The following XIRP2 variants were observed in gnomAD, a reference collection of about 807,000 sequenced individuals.
The protein encoded by XIRP2 is xin actin binding repeat containing 2.
In XIRP2, 236 loss-of-function variants were observed where a neutral mutation model predicts 277.0. The ratio of observed to expected loss-of-function variants is 0.85; its 90% CI spans 0.77 to 0.95. The LOEUF (loss-of-function observed/expected upper bound fraction) is 0.95, where lower values mean the gene tolerates loss of function less well. XIRP2 is among the 40% of genes least tolerant of loss of function. The pLI is 0.00. For synonymous variants in XIRP2, 1,490 were observed against 1,416.5 expected, an observed-to-expected ratio of 1.05 and a Z score of -1.17; for missense variants, 4,640 against 4,157.5, an observed-to-expected ratio of 1.12 and a Z score of -3.19.
At position 167,179,423 on chromosome 2, in the gene XIRP2, C is replaced by T. The variant is rs554553511; in HGVS notation, c.563-31312C>T. On this transcript the variant is annotated intron_variant, in intron 3 of 10. Transcript: ENST00000409195. ...GCAACCTCCACCTCCCGGGTTCAAG[C>T]GATTCTTCTGCCTCAGCCTCCTGAG... 4.3e-4 allele frequency among the ~76,000 whole-genome samples: 65 copies of T among 150,294 alleles called. No homozygotes were observed. In the South Asian group the frequency reaches 0.012, roughly 28 times the overall value.
rs745399661 is a variant in XIRP2, at chr2:167,248,111, A to C, written c.6719A>C (p.Lys2240Thr). 1 of 1,613,314 alleles carries C rather than the reference A, an allele frequency of 6.2e-7. No individual in the cohort carries two copies. Among genetic ancestry groups the C allele is most frequent in the Admixed American group, 1.7e-5 (1 of 59,884 alleles). Residue 2240 changes from lysine (K) to threonine (T), a missense_variant, in exon 9 of 11, where the codon AAA (lysine) becomes ACA (threonine). Coordinates refer to ENST00000409195, the MANE Select transcript of XIRP2 (RefSeq NM_152381.6). ...KSHNTFKATN[K>T]KRETDVHLKS... ...CACAATACATTTAAGGCAACCAACA[A>C]AAAGCGGGAGACTGATGTTCACTTG...
intron 2 of XIRP2, among the ~76,000 whole-genome samples, chr2:167,079,064 A>T (rs542530412): frequency 6.6e-6 from 1 of 152,136 alleles, no homozygotes; most frequent in Non-Finnish European, 1.5e-5. Context: ...GGTTTTTATC[A>T]TGAAAGGATG....
intron 5 of XIRP2, among the ~76,000 whole-genome samples, chr2:167,231,210 T>C (rs917416793): frequency 2.0e-5 from 3 of 152,004 alleles, no homozygotes; most frequent in African/African-American, 7.2e-5. Flanking sequence ...GGATTTAAAA[T>C]GTCATCTCTC....
intron 2 of XIRP2, among the ~76,000 whole-genome samples, chr2:166,918,242 A>G (rs1413349774): frequency 6.6e-6 from 1 of 152,066 alleles, no homozygotes. Flanking sequence ...TTCTTGCAGG[A>G]TGAGCTTTGG....
rs529335383 is a variant in XIRP2, at chr2:167,250,010, A to G, written c.8618A>G (p.Gln2873Arg). ...DSQTQNFQQT[Q>R]IQTAESKAEH... ...CAGACTCAGAATTTTCAGCAAACAC[A>G]AATACAGACCGCTGAAAGTAAAGCT... The change falls in exon 9 of 11, where the codon CAA becomes CGA. Residue 2873 changes from glutamine (Q) to arginine (R), a missense_variant. Transcript: ENST00000409195. 2.2e-5 allele frequency: 36 copies of G among 1,613,678 alleles called. No individual in the cohort carries two copies. Among genetic ancestry groups the G allele is most frequent in the Admixed American group, 1.3e-4 (8 of 59,980 alleles).
At chr2:167,063,754 T>C (rs1658711455) in intron 2 of XIRP2, among the ~76,000 whole-genome samples, 1 of 151,760 alleles carries the variant, frequency 6.6e-6, no homozygotes, top group African/African-American at 2.4e-5. Flanking sequence ...AATTTCTTTT[T>C]ATTTGTATTT....
At position 167,250,752 on chromosome 2, in the gene XIRP2, A is replaced by G. The variant is rs199552960; in HGVS notation, c.9360A>G (p.Ser3120=). The G allele has an allele frequency of 1.5e-4, 236 of 1,613,606 alleles. 2 individuals carry two copies. Among genetic ancestry groups the G allele is most frequent in the Non-Finnish European group, 1.4e-5 (16 of 1,179,728 alleles). ...CCTCTTTAAAAACACGCCCACCGTC[A>G]CCAACTTTTATCACAATAGAATCTA... The part of the protein sequence containing the change: ...PPPSLKTRPP[S]PTFITIESTA... Residue 3120 remains serine, a synonymous_variant, in exon 9 of 11, where the codon TCA becomes TCG. Transcript: ENST00000409195.
intron 3 of XIRP2, among the ~76,000 whole-genome samples, chr2:167,197,686 C>G (rs1285643378): frequency 1.3e-5 from 2 of 152,088 alleles, no homozygotes; most frequent in Non-Finnish European, 1.5e-5. Flanking sequence ...GTGTGGTGAC[C>G]AGCCTTCCAT....
At chr2:167,052,857 T>C (rs538941609) in intron 2 of XIRP2, among the ~76,000 whole-genome samples, 1 of 152,346 alleles carries the variant, frequency 6.6e-6, no homozygotes, top group South Asian at 2.1e-4. Flanking sequence ...TTGAGGGACT[T>C]AGTCTTCTTA....
At chr2:167,170,141 C>T (rs1173318929) in intron 3 of XIRP2, among the ~76,000 whole-genome samples, 1 of 152,036 alleles carries the variant, frequency 6.6e-6, no homozygotes, top group African/African-American at 2.4e-5. Context: ...TCAGTTATTG[C>T]AATGATAAAG....
intron 2 of XIRP2, among the ~76,000 whole-genome samples, chr2:166,961,721 T>C (rs1192985741): frequency 6.6e-6 from 1 of 151,788 alleles, no homozygotes; most frequent in Non-Finnish European, 1.5e-5. Context: ...AGATTTTTAA[T>C]CCCTATCAAC....
intron 2 of XIRP2, among the ~76,000 whole-genome samples, chr2:167,016,181 TC>T (rs1687824128): frequency 6.6e-6 from 1 of 151,842 alleles, no homozygotes; most frequent in African/African-American, 2.4e-5. Flanking sequence ...CATCTTCCCC[TC>T]CTTTTTCTCC....
chr2:167,059,786 C>A (rs565562127), intron 2 of XIRP2, among the ~76,000 whole-genome samples: 2 of 152,294 alleles, frequency 1.3e-5, no homozygotes, highest in South Asian at 4.1e-4. Context: ...ATCATCCCCT[C>A]CGACACTAAA....
At chr2:167,152,076 G>A (rs964994276) in intron 3 of XIRP2, among the ~76,000 whole-genome samples, 15 of 152,192 alleles carry the variant, frequency 9.9e-5, no homozygotes, top group African/African-American at 3.6e-4. Context: ...TGAGAGAAAT[G>A]TCCCAACTGT....
In XIRP2 at chr2:167,245,595, A is replaced by G. The variant is rs1268319895; in HGVS notation, c.4203A>G (p.Glu1401=). The G allele has an allele frequency of 6.2e-7, 1 of 1,613,714 alleles. No homozygotes were observed. Among genetic ancestry groups the G allele is most frequent in the East Asian group, 2.2e-5 (1 of 44,842 alleles). ...CTCAGCCACTGGATCAGATTTCTGA[A>G]GAATCACATAATATTATGCCCAGTA... The part of the protein sequence containing the change: ...FETQPLDQIS[E]ESHNIMPSID... Residue 1401 remains glutamate, a synonymous_variant, in exon 9 of 11, where the codon GAA becomes GAG. Transcript: ENST00000409195.
intron 1 of XIRP2, among the ~76,000 whole-genome samples, chr2:166,902,039 A>G (rs1574062933): frequency 6.6e-6 from 1 of 152,078 alleles, no homozygotes; most frequent in Non-Finnish European, 1.5e-5. Flanking sequence ...CGCATCATCA[A>G]ATTTATTTCT....
At chr2:167,129,216 T>C (rs1214478512) in intron 2 of XIRP2, among the ~76,000 whole-genome samples, 1 of 152,210 alleles carries the variant, frequency 6.6e-6, no homozygotes, top group Admixed American at 6.5e-5. Flanking sequence ...AACTTCTTTA[T>C]GCTTCTATTA....
At chr2:166,954,018 G>T (rs1686101194) in intron 2 of XIRP2, among the ~76,000 whole-genome samples, 1 of 151,704 alleles carries the variant, frequency 6.6e-6, no homozygotes, top group South Asian at 2.1e-4. Context: ...TTTATTTTTT[G>T]ATTATAAAAG....
At chr2:167,045,067 G>T (rs919320205) in intron 2 of XIRP2, among the ~76,000 whole-genome samples, 3 of 151,960 alleles carry the variant, frequency 2.0e-5, no homozygotes, top group Non-Finnish European at 2.9e-5. Flanking sequence ...TGGACCAATG[G>T]AACATGTTAG....
Sources: gnomAD v4.1 joint callset for allele counts (sites outside exome capture counted in the v4.1 genomes callset) on GRCh38, gnomAD v4.1.1 for gene constraint, MANE v1.5 for transcripts, NCBI Gene and HGNC (gene_info 2026-07-23, HGNC 2026-07-21) for gene names.